The following STAT5A variants were observed in gnomAD, a reference collection of about 807,000 sequenced individuals.
STAT5A encodes signal transducer and activator of transcription 5A, also known as epididymis secretory sperm binding protein.
In STAT5A, 26 loss-of-function variants were observed where a neutral mutation model predicts 100.2. The observed-to-expected ratio is 0.26, with a 90% CI of 0.19 to 0.36. The LOEUF is 0.36. Ranked by LOEUF, STAT5A falls within the 10% of genes least tolerant of loss-of-function variation. STAT5A has a pLI of 1.00. For synonymous variants in STAT5A, 330 were observed against 424.3 expected, an observed-to-expected ratio of 0.78 and a Z score of 2.73; for missense variants, 634 against 1,027.5, an observed-to-expected ratio of 0.62 and a Z score of 5.24.
At chr17:42,292,089 G>T (rs770742978) in intron 4 of STAT5A, 28 bp downstream of exon 4, 1 of 1,611,486 alleles carries the variant, frequency 6.2e-7, no homozygotes, top group Non-Finnish European at 8.5e-7. Context: ...ATGGGGAGGA[G>T]TGTTGAGAAG....
chr17:42,305,761 C>G (rs144408029), intron 12 of STAT5A, 59 bp downstream of exon 12: 29 of 1,556,576 alleles, frequency 1.9e-5, no homozygotes, highest in South Asian at 3.4e-5. Context: ...CACCTGGGGT[C>G]AGCCCCACCC....
At chr17:42,309,218 G>C in intron 17 of STAT5A, 120 bp downstream of exon 17, 2 of 1,582,488 alleles carry the variant, frequency 1.3e-6, no homozygotes, top group East Asian at 4.5e-5. Flanking sequence ...CTCAGCCCTG[G>C]GGAGGGAGTC....
rs2081081515 is a variant in STAT5A at position 42,311,487 on chromosome 17, CA to C, written c.*821del. On this transcript the variant is annotated 3_prime_UTR_variant, in exon 19 of 19. Coordinates refer to ENST00000590949, the MANE Select transcript of STAT5A (RefSeq NM_001288718.2). ...GCCTCTCTGTTTGTAACCTTGTCGACAAAGAGGTAGAAAAGATTGGGTCTAG... is the reference window on the plus strand; with the variant it reads ...GCCTCTCTGTTTGTAACCTTGTCGACAAGAGGTAGAAAAGATTGGGTCTAG... 1 of 152,216 alleles carries C rather than the reference CA, an allele frequency of 6.6e-6. No individual in the cohort carries two copies. The highest frequency in any genetic ancestry group is 6.6e-5 in the Admixed American group (1 of 15,256). The allele number at this position is 152,216 out of a possible 1,614,324, so 9.4% of individuals were successfully genotyped here. A position where few individuals can be genotyped will look rare whatever the true frequency, so the allele number is the denominator to read the frequency against.
chr17:42,310,848 T>C lies in STAT5A; in HGVS notation c.*179T>C. The stretch of plus-strand genomic sequence containing the variant: ...GCCTCCCCTGTGCAGTCCTGGGATG[T>C]GGCTGCAGCAGCGGTGGCCTCTTTT... On this transcript the variant is annotated 3_prime_UTR_variant, in exon 19 of 19. Coordinates refer to ENST00000590949, the MANE Select transcript of STAT5A (RefSeq NM_001288718.2). The C allele has an allele frequency of 9.1e-7, 1 of 1,094,978 alleles. No individual in the cohort carries two copies. The highest frequency in any genetic ancestry group is 1.3e-6 in the Non-Finnish European group (1 of 783,516). The allele number at this position is 1,094,978 out of a possible 1,614,324, so 67.8% of individuals were successfully genotyped here.
Position 42,311,788 on chromosome 17 carries a change from C to T in STAT5A, c.*1119C>T, listed in dbSNP as rs1161548455. 1 of 152,808 alleles carries T rather than the reference C, an allele frequency of 6.5e-6. No homozygotes were observed. Among genetic ancestry groups the T allele is most frequent in the East Asian group, 1.9e-4 (1 of 5,216 alleles). The allele number at this position is 152,808 out of a possible 1,614,324, so 9.5% of individuals were successfully genotyped here. Reference sequence around the variant, plus strand: ...CTCCTCCCTCTGAGGCTGTAGGACTCGCAGTCAGGGGCAGCTGACCATGGA... The same window carrying T: ...CTCCTCCCTCTGAGGCTGTAGGACTTGCAGTCAGGGGCAGCTGACCATGGA... On this transcript the variant is annotated 3_prime_UTR_variant, in exon 19 of 19. Coordinates refer to ENST00000590949, the MANE Select transcript of STAT5A (RefSeq NM_001288718.2).
intron 5 of STAT5A, among the ~76,000 whole-genome samples, chr17:42,299,199 C>A (rs2080950612): frequency 6.6e-6 from 1 of 152,166 alleles, no homozygotes; most frequent in South Asian, 2.1e-4. Context: ...CTGTCCTGTT[C>A]CCCGTTAACC....
intron 9 of STAT5A, among the ~76,000 whole-genome samples, chr17:42,303,256 AG>A (rs2080998429): frequency 2.0e-5 from 3 of 152,074 alleles, no homozygotes; most frequent in African/African-American, 7.2e-5. Flanking sequence ...CAAAAAAAAA[AG>A]TTTACTGATT....
intron 3 of STAT5A, among the ~76,000 whole-genome samples, chr17:42,291,097 G>T (rs982368170): frequency 6.6e-6 from 1 of 152,172 alleles, no homozygotes; most frequent in Non-Finnish European, 1.5e-5. Flanking sequence ...TCCCATCTGG[G>T]GGTGATGGGA....
chr17:42,305,038 CAAAAAAAAG>C (rs1214615283), intron 11 of STAT5A, among the ~76,000 whole-genome samples: 2 of 151,026 alleles, frequency 1.3e-5, no homozygotes, highest in Non-Finnish European at 3.0e-5. Flanking sequence ...CCCGTATCTA[CAAAAAAAAG>C]AAAAAAGTTG....
At chr17:42,292,201 T>A in intron 4 of STAT5A, 140 bp downstream of exon 4, 1 of 1,047,002 alleles carries the variant, frequency 9.6e-7, no homozygotes, top group African/African-American at 1.6e-5. Context: ...GTGTAAGAGG[T>A]GGCAGCATTG....
intron 11 of STAT5A, among the ~76,000 whole-genome samples, chr17:42,305,267 C>T (rs2081017451): frequency 6.6e-6 from 1 of 152,020 alleles, no homozygotes; most frequent in African/African-American, 2.4e-5. Context: ...CTTTGGGAGG[C>T]CAAGGAGGGT....
chr17:42,293,951 A>G (rs2080894728), intron 4 of STAT5A, among the ~76,000 whole-genome samples: 1 of 152,158 alleles, frequency 6.6e-6, no homozygotes, highest in Admixed American at 6.5e-5. Flanking sequence ...GTGGTGGCTC[A>G]CATCTGTAAT....
rs767625036 is a variant in STAT5A, at chr17:42,292,112, C to T, written c.375+51C>T. On this transcript the variant is annotated intron_variant, in intron 4 of 18. Transcript: ENST00000590949. Reference sequence around the variant, plus strand: ...GAGTGTTGAGAAGTCCCTCCATATGCCTTTCTCTCCAGAAACAACTGTGTT... The same window carrying T: ...GAGTGTTGAGAAGTCCCTCCATATGTCTTTCTCTCCAGAAACAACTGTGTT... 2.5e-6 allele frequency: 4 copies of T among 1,591,692 alleles called. No homozygotes were observed. The East Asian group carries it at 6.7e-5, about 27-fold the overall frequency.
intron 5 of STAT5A, among the ~76,000 whole-genome samples, chr17:42,296,346 T>C (rs541805433): frequency 1.3e-5 from 2 of 152,096 alleles, no homozygotes; most frequent in East Asian, 1.9e-4. Flanking sequence ...CAGTAGAAAA[T>C]TCTCCTGTAT....
At chr17:42,295,011 A>G (rs1353131007) in intron 4 of STAT5A, among the ~76,000 whole-genome samples, 3 of 151,836 alleles carry the variant, frequency 2.0e-5, no homozygotes, top group Non-Finnish European at 2.9e-5. Flanking sequence ...GATTCTCCTG[A>G]ATGTGCTGAA....
chr17:42,303,476 G>A lies in STAT5A; in HGVS notation c.1170-866G>A, dbSNP rs141489896. On this transcript the variant is annotated intron_variant, in intron 9 of 18. Coordinates refer to ENST00000590949, the MANE Select transcript of STAT5A (RefSeq NM_001288718.2). ...TGTAATCCCAGCACTTTGAGAGGCTGAGGTGGAAGGATCGTTTGAGATCAG... is the reference window on the plus strand; with the variant it reads ...TGTAATCCCAGCACTTTGAGAGGCTAAGGTGGAAGGATCGTTTGAGATCAG... Among the ~76,000 whole-genome samples the A allele has an allele frequency of 5.9e-5, 9 of 152,302 alleles. No individual in the cohort carries two copies. The East Asian group carries it at 1.7e-3, about 29-fold the overall frequency.
intron 14 of STAT5A, 35 bp downstream of exon 14, chr17:42,307,531 T>A: frequency 6.2e-7 from 1 of 1,614,042 alleles, no homozygotes; most frequent in Non-Finnish European, 8.5e-7. Flanking sequence ...AGGGGCCAGC[T>A]GTGGGCGCAG....
At chr17:42,301,043 G>C (rs559772032) in intron 8 of STAT5A, among the ~76,000 whole-genome samples, 173 bp downstream of exon 8, 1 of 152,220 alleles carries the variant, frequency 6.6e-6, no homozygotes, top group Non-Finnish European at 1.5e-5. Flanking sequence ...TTCTCCTGTG[G>C]ACACTGCAAG....
intron 8 of STAT5A, 42 bp from the exon 9 acceptor site, chr17:42,301,233 C>G (rs745539404): frequency 1.3e-6 from 2 of 1,597,900 alleles, no homozygotes; most frequent in Admixed American, 3.4e-5. Flanking sequence ...CTTTCCCCTG[C>G]GCCAACCCCT....
Sources: gnomAD v4.1 joint callset for allele counts (sites outside exome capture counted in the v4.1 genomes callset) on GRCh38, gnomAD v4.1.1 for gene constraint, MANE v1.5 for transcripts, NCBI Gene and HGNC (gene_info 2026-07-23, HGNC 2026-07-21) for gene names.